Variants in SMAP1 observed in about 807,000 individuals in gnomAD.
SMAP1 encodes the protein stromal membrane-associated protein 1.
In SMAP1, 24 loss-of-function variants were observed where a neutral mutation model predicts 58.5. The ratio of observed to expected loss-of-function variants is 0.41; its 90% CI spans 0.30 to 0.58. SMAP1 has a LOEUF of 0.58. Among genes scored for constraint, SMAP1 ranks in the 20% least tolerant of loss-of-function variants. SMAP1 has a pLI of 0.29. For synonymous variants in SMAP1, 216 were observed against 196.6 expected (o/e 1.10, Z -0.82); for missense variants, 563 against 566.3 (o/e 0.99, Z 0.06).
chr6:70,758,529 A>G (rs940095393), intron 3 of SMAP1, among the ~76,000 whole-genome samples: 15 of 152,232 alleles, frequency 9.9e-5, no homozygotes, highest in Admixed American at 9.2e-4. Context: ...ATAAAAATAA[A>G]TAAATAAATA....
intron 1 of SMAP1, among the ~76,000 whole-genome samples, chr6:70,674,444 C>T (rs1383565299): frequency 1.3e-5 from 2 of 152,082 alleles, no homozygotes; most frequent in South Asian, 2.1e-4. Flanking sequence ...TTCTACTAAT[C>T]GTCTTTTCAC....
intron 4 of SMAP1, among the ~76,000 whole-genome samples, chr6:70,777,031 G>C (rs1767574571): frequency 6.6e-6 from 1 of 152,068 alleles, no homozygotes; most frequent in African/African-American, 2.4e-5. Context: ...TGGCTTATAT[G>C]GTAATTCTGT....
At chr6:70,740,869 A>C (rs1765785582) in intron 2 of SMAP1, among the ~76,000 whole-genome samples, 1 of 152,192 alleles carries the variant, frequency 6.6e-6, no homozygotes, top group Admixed American at 6.5e-5. Flanking sequence ...ATCATGGCAG[A>C]AGGTGAAAGG....
chr6:70,810,961 T>C (rs1769362338), intron 6 of SMAP1, among the ~76,000 whole-genome samples: 1 of 152,226 alleles, frequency 6.6e-6, no homozygotes, highest in South Asian at 2.1e-4. Flanking sequence ...TTTATCTCTC[T>C]TTGGGATAAT....
At chr6:70,846,912 C>T (rs557040246) in intron 7 of SMAP1, among the ~76,000 whole-genome samples, 1 of 152,238 alleles carries the variant, frequency 6.6e-6, no homozygotes, top group African/African-American at 2.4e-5. Context: ...TGCAGATTCC[C>T]TCCAGGTGAG....
chr6:70,667,976 C>T lies in SMAP1; in HGVS notation c.-48C>T, dbSNP rs766804993. ...GTTCACTCTGCCCGGCTCCAGCCAG[C>T]GTCCGCCGCCGCCGTAGCTGCCCCA... is the stretch of plus-strand genomic sequence containing the variant. On this transcript the variant is annotated 5_prime_UTR_variant, in exon 1 of 11. Transcript: ENST00000370455. 2 of 1,500,540 alleles carry T rather than the reference C, an allele frequency of 1.3e-6. No individual in the cohort carries two copies. The highest frequency in any genetic ancestry group is 1.4e-5 in the African/African-American group (1 of 69,580). The allele number at this position is 1,500,540 out of a possible 1,614,324, so 93.0% of individuals were successfully genotyped here. A position where few individuals can be genotyped will look rare whatever the true frequency, so the allele number is the denominator to read the frequency against.
At chr6:70,817,950 C>T (rs966995357) in intron 6 of SMAP1, among the ~76,000 whole-genome samples, 1 of 152,130 alleles carries the variant, frequency 6.6e-6, no homozygotes, top group Admixed American at 6.5e-5. Context: ...AAAAGTGTAT[C>T]TCCAGACTAA....
intron 1 of SMAP1, among the ~76,000 whole-genome samples, chr6:70,714,018 T>C (rs1359290039): frequency 1.3e-5 from 2 of 152,150 alleles, no homozygotes; most frequent in Non-Finnish European, 2.9e-5. Flanking sequence ...CTAGAGACAG[T>C]TTTTGACTTA....
At chr6:70,781,286 T>C (rs897123049) in intron 4 of SMAP1, among the ~76,000 whole-genome samples, 9 of 152,346 alleles carry the variant, frequency 5.9e-5, no homozygotes, top group East Asian at 1.9e-4. Flanking sequence ...TTGGTAGCTA[T>C]GGTTACTTGG....
chr6:70,766,015 G>C (rs1042149235), intron 3 of SMAP1, among the ~76,000 whole-genome samples: 1 of 150,998 alleles, frequency 6.6e-6, no homozygotes, highest in African/African-American at 2.4e-5. Context: ...TTGTTCTTGC[G>C]ATAGTTTACT....
intron 7 of SMAP1, chr6:70,837,900 G>T: frequency 8.5e-7 from 1 of 1,180,550 alleles, no homozygotes; most frequent in South Asian, 1.8e-5. Context: ...ATTGTTGTCT[G>T]TTTTAAGAAT....
chr6:70,734,145 C>T (rs1304704040), intron 2 of SMAP1, among the ~76,000 whole-genome samples: 1 of 117,944 alleles, frequency 8.5e-6, no homozygotes, highest in African/African-American at 3.3e-5. Flanking sequence ...CTGCTCTTCC[C>T]ATCTTTTTTT....
chr6:70,794,072 T>TAATG (rs150318296), intron 5 of SMAP1, among the ~76,000 whole-genome samples: 8,529 of 152,214 alleles, frequency 0.056, 733 homozygotes, highest in African/African-American at 0.19. Flanking sequence ...AGTTTGATTA[T>TAATG]AATGAACCCA....
chr6:70,835,809 A>C (rs1770557929), intron 6 of SMAP1, among the ~76,000 whole-genome samples: 1 of 152,156 alleles, frequency 6.6e-6, no homozygotes, highest in South Asian at 2.1e-4. Flanking sequence ...ACTCAACTGA[A>C]CGTTTTATTT....
At chr6:70,736,776 A>C (rs369464663) in intron 2 of SMAP1, among the ~76,000 whole-genome samples, 2 of 152,070 alleles carry the variant, frequency 1.3e-5, no homozygotes, top group African/African-American at 4.8e-5. Flanking sequence ...GCTGCTTTCT[A>C]GTTTCATTTC....
chr6:70,682,563 C>G (rs778952818), intron 1 of SMAP1, among the ~76,000 whole-genome samples: 25 of 152,204 alleles, frequency 1.6e-4, no homozygotes, highest in Non-Finnish European at 3.4e-4. Context: ...TCCCTCTCCA[C>G]TGATTGGTAT....
chr6:70,730,025 T>A (rs1765361317), intron 1 of SMAP1, among the ~76,000 whole-genome samples: 1 of 152,158 alleles, frequency 6.6e-6, no homozygotes, highest in South Asian at 2.1e-4. Context: ...GAGACACTGA[T>A]CTAGAATTCA....
At chr6:70,703,524 A>G (rs973716829) in intron 1 of SMAP1, among the ~76,000 whole-genome samples, 2 of 152,214 alleles carry the variant, frequency 1.3e-5, no homozygotes, top group African/African-American at 2.4e-5. Context: ...AAGCTTTACT[A>G]GGTGAGACTA....
intron 10 of SMAP1, chr6:70,859,706 C>G: frequency 4.9e-6 from 1 of 204,154 alleles, no homozygotes; most frequent in Non-Finnish European, 9.7e-6. Flanking sequence ...TTATTGCATA[C>G]AATGAAAATA....
Sources: gnomAD v4.1 joint callset for allele counts (sites outside exome capture counted in the v4.1 genomes callset) on GRCh38, gnomAD v4.1.1 for gene constraint, MANE v1.5 for transcripts, NCBI Gene and HGNC (gene_info 2026-07-23, HGNC 2026-07-21) for gene names.